The following CYYR1 variants were observed in gnomAD, a reference collection of about 807,000 sequenced individuals.
The protein encoded by CYYR1 is cysteine and tyrosine rich 1.
In CYYR1, 14 loss-of-function variants were observed where a neutral mutation model predicts 15.2. The observed-to-expected ratio is 0.92, with a 90% CI of 0.61 to 1.44. CYYR1 has a LOEUF of 1.44. Among genes scored for constraint, CYYR1 ranks in the 40% most tolerant of loss-of-function variants. CYYR1 has a pLI of 0.00. For synonymous variants in CYYR1, 80 were observed against 77.4 expected (o/e 1.03, Z -0.18); for missense variants, 228 against 209.5 (o/e 1.09, Z -0.54).
chr21:26,469,698 GT>G (rs1647948820), intron 3 of CYYR1, among the ~76,000 whole-genome samples: 1 of 151,928 alleles, frequency 6.6e-6, no homozygotes, highest in Non-Finnish European at 1.5e-5. Flanking sequence ...TCATCCAGTG[GT>G]ATAGAACACT....
At chr21:26,487,666 T>A (rs989014316) in intron 2 of CYYR1, among the ~76,000 whole-genome samples, 10 of 152,226 alleles carry the variant, frequency 6.6e-5, no homozygotes, top group Admixed American at 5.2e-4. Flanking sequence ...ACAAACTCAA[T>A]GGAGTATCAT....
intron 2 of CYYR1, among the ~76,000 whole-genome samples, chr21:26,495,418 T>C (rs1185299343): frequency 6.6e-6 from 1 of 152,192 alleles, no homozygotes; most frequent in Non-Finnish European, 1.5e-5. Flanking sequence ...GACTAACTTT[T>C]CCCAACAGAC....
At chr21:26,567,076 T>C (rs1980683363) in intron 1 of CYYR1, among the ~76,000 whole-genome samples, 1 of 151,196 alleles carries the variant, frequency 6.6e-6, no homozygotes, top group Non-Finnish European at 1.5e-5. Flanking sequence ...GCTCAATCAA[T>C]AGAAGGTTTA....
At chr21:26,498,786 T>C (rs1239246243) in intron 2 of CYYR1, among the ~76,000 whole-genome samples, 6 of 152,136 alleles carry the variant, frequency 3.9e-5, no homozygotes, top group Non-Finnish European at 8.8e-5. Flanking sequence ...CACGTTCTTC[T>C]TCACATGGCG....
intron 2 of CYYR1, among the ~76,000 whole-genome samples, chr21:26,489,381 G>A (rs1050940541): frequency 6.6e-6 from 1 of 152,092 alleles, no homozygotes; most frequent in Non-Finnish European, 1.5e-5. Context: ...TTTAAGAACT[G>A]CCTGGTTAGC....
chr21:26,495,696 C>G (rs1399370930), intron 2 of CYYR1, among the ~76,000 whole-genome samples: 1 of 152,198 alleles, frequency 6.6e-6, no homozygotes, highest in Non-Finnish European at 1.5e-5. Flanking sequence ...CACGGGTGAA[C>G]TGTTGACGTG....
chr21:26,502,804 A>T (rs538926454), intron 2 of CYYR1, among the ~76,000 whole-genome samples: 4 of 152,248 alleles, frequency 2.6e-5, no homozygotes, highest in East Asian at 1.9e-4. Context: ...GAGATTTTTT[A>T]AAAAATCTCT....
intron 2 of CYYR1, among the ~76,000 whole-genome samples, chr21:26,487,449 A>G (rs1318267759): frequency 6.6e-6 from 1 of 152,110 alleles, no homozygotes; most frequent in Non-Finnish European, 1.5e-5. Flanking sequence ...ATACATGAGA[A>G]TAAATCTTGG....
At chr21:26,542,114 C>T (rs1215580166) in intron 2 of CYYR1, among the ~76,000 whole-genome samples, 1 of 151,178 alleles carries the variant, frequency 6.6e-6, no homozygotes, top group East Asian at 1.9e-4. Context: ...TTGTTGTCTA[C>T]ATGAAAGGTA....
At position 26,467,713 on chromosome 21, in the gene CYYR1, T is replaced by C. The variant is rs1296559115; in HGVS notation, c.*788A>G. The C allele has an allele frequency of 1.3e-5, 2 of 151,984 alleles. No individual in the cohort carries two copies. The highest frequency in any genetic ancestry group is 2.9e-5 in the Non-Finnish European group (2 of 68,006). 9.4% of individuals were successfully genotyped at this position (151,984 alleles called of 1,614,324 possible). A position where few individuals can be genotyped will look rare whatever the true frequency, so the allele number is the denominator to read the frequency against. On this transcript the variant is annotated 3_prime_UTR_variant, in exon 4 of 4. Transcript: ENST00000652641. ...GGTGGCAGTAGCTGGCATTGAAGAG[T>C]TCTTGGCTTCAAGCGGCTGTTGAGT...
chr21:26,500,981 A>G (rs1435862948), intron 2 of CYYR1, among the ~76,000 whole-genome samples: 1 of 152,136 alleles, frequency 6.6e-6, no homozygotes, highest in Admixed American at 6.5e-5. Flanking sequence ...TACCATTTAG[A>G]TTTTCAAAGA....
In CYYR1 at chr21:26,573,213, G is replaced by A; in HGVS notation, c.-273C>T. The A allele has an allele frequency of 7.0e-7, 1 of 1,427,828 alleles. No individual in the cohort carries two copies. The allele number at this position is 1,427,828 out of a possible 1,614,324, so 88.4% of individuals were successfully genotyped here. On this transcript the variant is annotated 5_prime_UTR_variant, in exon 1 of 4. Coordinates refer to ENST00000652641, the MANE Select transcript of CYYR1 (RefSeq NM_001320768.2). ...TTGTCTCGCCCCACTGCGCTCAGGC[G>A]CGGGGAAGGCGGCCACTCCGGCGTC...
chr21:26,554,463 T>C (rs558804800), intron 2 of CYYR1, among the ~76,000 whole-genome samples: 2 of 152,272 alleles, frequency 1.3e-5, no homozygotes, highest in African/African-American at 4.8e-5. Context: ...GTATCTAATG[T>C]ACATGACTTT....
Position 26,468,268 on chromosome 21 carries a change from TCAG to T in CYYR1, c.*230_*232del, listed in dbSNP as rs1027832231. On this transcript the variant is annotated 3_prime_UTR_variant, in exon 4 of 4. Transcript: ENST00000652641. ...TCTTCCCTGAATGTGCTTAGGTGGA[TCAG>T]CAGATCTCTTAAAATGTGGTTCCAT... 9.3e-6 allele frequency: 5 copies of T among 539,390 alleles called. No individual in the cohort carries two copies. In the African/African-American group the frequency reaches 9.5e-5, roughly 10 times the overall value. The allele number at this position is 539,390 out of a possible 1,614,324, so 33.4% of individuals were successfully genotyped here.
At chr21:26,543,561 A>C (rs1250705725) in intron 2 of CYYR1, among the ~76,000 whole-genome samples, 1 of 152,170 alleles carries the variant, frequency 6.6e-6, no homozygotes, top group Non-Finnish European at 1.5e-5. Context: ...GCATGTACTG[A>C]AGTTGCACAC....
At chr21:26,544,539 T>C (rs1483334975) in intron 2 of CYYR1, among the ~76,000 whole-genome samples, 1 of 152,232 alleles carries the variant, frequency 6.6e-6, no homozygotes, top group African/African-American at 2.4e-5. Context: ...ATGCCGTGTT[T>C]ATAAATCTCT....
intron 2 of CYYR1, among the ~76,000 whole-genome samples, chr21:26,495,489 C>G (rs929437727): frequency 6.6e-6 from 1 of 152,150 alleles, no homozygotes; most frequent in African/African-American, 2.4e-5. Context: ...TTCCTGTCAC[C>G]TCCAACTGCA....
chr21:26,554,332 A>G (rs1378041944), intron 2 of CYYR1, among the ~76,000 whole-genome samples: 2 of 152,128 alleles, frequency 1.3e-5, no homozygotes, highest in Non-Finnish European at 2.9e-5. Flanking sequence ...TTGATATTAT[A>G]TATGTAATTT....
At chr21:26,563,207 A>C (rs1980362175) in intron 2 of CYYR1, among the ~76,000 whole-genome samples, 1 of 152,176 alleles carries the variant, frequency 6.6e-6, no homozygotes, top group Non-Finnish European at 1.5e-5. Context: ...TTCCTAGCAG[A>C]AGCAAGAAAG....
Sources: allele counts gnomAD v4.1 joint callset (sites outside exome capture counted in the v4.1 genomes callset), GRCh38; gene constraint gnomAD v4.1.1; transcripts MANE v1.5; gene names NCBI Gene and HGNC (gene_info 2026-07-23, HGNC 2026-07-21).